The following EVC2 variants were observed in gnomAD, a reference collection of about 807,000 sequenced individuals.
EVC2 encodes EvC ciliary complex subunit 2, also known as limbin.
Under a neutral mutation model 149.3 loss-of-function variants are expected in EVC2, and 148 were observed. That is an observed-to-expected ratio of 0.99 (90% CI 0.87 to 1.14). The LOEUF (loss-of-function observed/expected upper bound fraction) is 1.14. EVC2 is among the 50% of genes most tolerant of loss of function. The pLI, the probability that EVC2 is intolerant of heterozygous loss-of-function variation, is 0.00. For missense variants in EVC2, 1,854 were observed against 1,627.3 expected, an observed-to-expected ratio of 1.14 and a Z score of -2.40; for synonymous variants, 776 against 649.9, an observed-to-expected ratio of 1.19 and a Z score of -2.95.
intron 16 of EVC2, among the ~76,000 whole-genome samples, chr4:5,607,990 G>GT (rs1226665890): frequency 1.3e-5 from 2 of 152,002 alleles, no homozygotes; most frequent in Admixed American, 6.5e-5. Context: ...ATCTTGGGAG[G>GT]TGAAGGCCTT....
At chr4:5,694,219 G>A in intron 3 of EVC2, 116 bp downstream of exon 3, 1 of 1,036,698 alleles carries the variant, frequency 9.6e-7, no homozygotes, top group Non-Finnish European at 1.5e-6. Context: ...TTTAGTGAAA[G>A]AGGAGGAATA....
intron 1 of EVC2, among the ~76,000 whole-genome samples, chr4:5,704,025 G>T (rs1346436914): frequency 6.6e-6 from 1 of 152,150 alleles, no homozygotes; most frequent in Non-Finnish European, 1.5e-5. Context: ...AGGAGGCCAG[G>T]GTGCCTGAGC....
Position 5,569,786 on chromosome 4 carries a change from T to A in EVC2, c.3361-1146A>T, listed in dbSNP as rs1722537371. On this transcript the variant is annotated intron_variant, in intron 19 of 21. Transcript: ENST00000344408. The surrounding 1 kb of genome is among the most constrained non-coding windows in gnomAD (Gnocchi z 4.8). ...GACTCGACCCCTTGGAAACATGGGG[T>A]CGCTGTGACCTTGGTAAGTGCTTTC... Among the ~76,000 whole-genome samples the A allele has an allele frequency of 1.3e-5, 2 of 150,684 alleles. No homozygotes were observed. Among genetic ancestry groups the A allele is most frequent in the African/African-American group, 4.9e-5 (2 of 40,820 alleles).
chr4:5,668,185 C>A (rs1282302049), intron 7 of EVC2, among the ~76,000 whole-genome samples: 2 of 152,242 alleles, frequency 1.3e-5, no homozygotes, highest in Admixed American at 1.3e-4. Flanking sequence ...ATTCCTCATT[C>A]TTGCAGCCAC....
At chr4:5,656,736 C>A (rs532391449) in intron 9 of EVC2, among the ~76,000 whole-genome samples, 1 of 152,186 alleles carries the variant, frequency 6.6e-6, no homozygotes, top group Non-Finnish European at 1.5e-5. Context: ...CCTGCTGATA[C>A]CTTGATTTCA....
intron 9 of EVC2, among the ~76,000 whole-genome samples, chr4:5,641,549 T>C: frequency 6.6e-6 from 1 of 152,202 alleles, no homozygotes; most frequent in East Asian, 1.9e-4. Flanking sequence ...GCGGTAGTTG[T>C]AAAACTGTAT....
At chr4:5,577,339 A>C (rs2108779892) in intron 17 of EVC2, among the ~76,000 whole-genome samples, 1 of 152,330 alleles carries the variant, frequency 6.6e-6, no homozygotes, top group South Asian at 2.1e-4. Flanking sequence ...ATCTCACACA[A>C]GAAACTGTCC....
At chr4:5,630,831 C>T (rs1476588579) in intron 11 of EVC2, among the ~76,000 whole-genome samples, 2 of 152,198 alleles carry the variant, frequency 1.3e-5, no homozygotes. Context: ...ATTTCTCAAA[C>T]ATCTTATTGA....
At chr4:5,536,494 A>C in the EVC2 span, among the ~76,000 whole-genome samples, 2 of 152,166 alleles carry the variant, frequency 1.3e-5, no homozygotes, top group Non-Finnish European at 2.9e-5. Context: ...CAATACATTA[A>C]AGAGTTATGG....
upstream of EVC2, chr4:5,709,190 G>A (rs1722412799): frequency 1.3e-5 from 2 of 152,386 alleles, no homozygotes; most frequent in African/African-American, 2.4e-5. Flanking sequence ...GCTGGTGTCT[G>A]AAGTCGCAGC....
Position 5,568,482 on chromosome 4 carries a change from G to A in EVC2, c.3519C>T (p.Ser1173=), listed in dbSNP as rs749446584. 66 of 1,579,578 alleles carry A rather than the reference G, an allele frequency of 4.2e-5. No homozygotes were observed. In the Admixed American group the frequency reaches 6.5e-4, roughly 16 times the overall value. ...TERHVDHAAE[S]DGGAEQADVG... ...CGTCGGCCTGCTCCGCTCCGCCATC[G>A]CTCTCAGCTGCGTGGTCCACATGTC... is the stretch of plus-strand genomic sequence containing the variant. Residue 1173 remains serine (S), a synonymous_variant, in exon 20 of 22, where the codon AGC becomes AGT. Coordinates refer to ENST00000344408, the MANE Select transcript of EVC2 (RefSeq NM_147127.5).
the EVC2 span, among the ~76,000 whole-genome samples, chr4:5,537,200 C>T: frequency 6.6e-6 from 1 of 152,172 alleles, no homozygotes; most frequent in African/African-American, 2.4e-5. Flanking sequence ...GGAAGGGAAC[C>T]CAGGCAGAGC....
intron 16 of EVC2, among the ~76,000 whole-genome samples, chr4:5,588,743 A>T (rs1712522581): frequency 6.6e-6 from 1 of 152,252 alleles, no homozygotes; most frequent in Non-Finnish European, 1.5e-5. Context: ...ATATAGACAT[A>T]TAGATATATC....
chr4:5,641,221 A>G (rs1717307057), intron 9 of EVC2, among the ~76,000 whole-genome samples: 1 of 152,208 alleles, frequency 6.6e-6, no homozygotes. Context: ...TGACTAGTAC[A>G]TGTAATGTCA....
At chr4:5,590,382 G>A (rs1712679200) in intron 16 of EVC2, among the ~76,000 whole-genome samples, 1 of 152,152 alleles carries the variant, frequency 6.6e-6, no homozygotes, top group African/African-American at 2.4e-5. Flanking sequence ...GTTGGCCAAG[G>A]AGACCCCAGA....
At chr4:5,676,375 T>C (rs1197232040) in intron 7 of EVC2, among the ~76,000 whole-genome samples, 1 of 152,222 alleles carries the variant, frequency 6.6e-6, no homozygotes, top group Non-Finnish European at 1.5e-5. Context: ...ATTTACACAA[T>C]GGAAGCCTCA....
At position 5,657,158 on chromosome 4, in the gene EVC2, T is replaced by G. The variant is rs964175248; in HGVS notation, c.1145+5949A>C. ...AGGCCCACCAGCCTCACACGGGCAC[T>G]CCATGTTGCTCAGCAAGTCTGGGTT... On this transcript the variant is annotated intron_variant, in intron 9 of 21. Coordinates refer to ENST00000344408, the MANE Select transcript of EVC2 (RefSeq NM_147127.5). This position sits in a 1 kb window ranked among gnomAD's most constrained non-coding sequence, Gnocchi z 4.7. Among the ~76,000 whole-genome samples, 1 of 152,100 alleles carries G rather than the reference T, an allele frequency of 6.6e-6. No homozygotes were observed. Among genetic ancestry groups the G allele is most frequent in the African/African-American group, 2.4e-5 (1 of 41,418 alleles).
chr4:5,702,584 T>C (rs147473589), intron 1 of EVC2, among the ~76,000 whole-genome samples: 4 of 152,342 alleles, frequency 2.6e-5, no homozygotes, highest in African/African-American at 7.2e-5. Flanking sequence ...TGGTAGCCAC[T>C]AGCCAGATGG....
intron 9 of EVC2, among the ~76,000 whole-genome samples, chr4:5,655,351 G>C (rs534897117): frequency 3.3e-5 from 5 of 152,262 alleles, no homozygotes; most frequent in African/African-American, 7.2e-5. Flanking sequence ...GAAAGGTAGA[G>C]GGACCTAGAC....
Sources: gnomAD v4.1 joint callset for allele counts (sites outside exome capture counted in the v4.1 genomes callset) on GRCh38, gnomAD v4.1.1 for gene constraint, Gnocchi (gnomAD v3.1) non-coding constraint, MANE v1.5 for transcripts, NCBI Gene and HGNC (gene_info 2026-07-23, HGNC 2026-07-21) for gene names.